ANKRD36C: variants seen among roughly 807,000 people sequenced by gnomAD.
ANKRD36C encodes the protein ankyrin repeat domain-containing protein 36C.
Under a neutral mutation model 276.4 loss-of-function variants are expected in ANKRD36C, and 61 were observed. That is an observed-to-expected ratio of 0.22 (90% CI 0.18 to 0.27). The LOEUF (loss-of-function observed/expected upper bound fraction) is 0.27, where lower values mean the gene tolerates loss of function less well. Ranked by LOEUF, ANKRD36C falls within the 10% of genes least tolerant of loss-of-function variation. The pLI is 1.00. For missense variants in ANKRD36C, 1,447 were observed against 2,032.3 expected, an observed-to-expected ratio of 0.71 and a Z score of 5.54; for synonymous variants, 483 against 680.1, an observed-to-expected ratio of 0.71 and a Z score of 4.51.
At position 95,903,219 on chromosome 2, in the gene ANKRD36C, G is replaced by C. The variant is rs1351643972; in HGVS notation, c.2654-3883C>G. ...TTTGATGGCTTCTACTTTGTGTCTG[G>C]GGACTAGAACATGACGGAAATATGC... On this transcript the variant is annotated intron_variant, in intron 42 of 66. Coordinates refer to ENST00000456556, the Ensembl canonical transcript of ANKRD36C. The C allele has an allele frequency of 3.5e-6, 5 of 1,415,002 alleles. No homozygotes were observed. The Admixed American group carries it at 8.1e-5, about 23-fold the overall frequency. 87.7% of individuals were successfully genotyped at this position (1,415,002 alleles called of 1,614,324 possible).
chr2:95,957,177 G>T (rs1417708839), intron 12 of ANKRD36C, among the ~76,000 whole-genome samples: 1 of 152,298 alleles, frequency 6.6e-6, no homozygotes, highest in African/African-American at 2.4e-5. Flanking sequence ...TTACCAGGTT[G>T]GTGGTGCACA....
chr2:95,897,653 C>T (rs1027579826), intron 44 of ANKRD36C, among the ~76,000 whole-genome samples, 188 bp from the exon 59 acceptor site: 49 of 140,970 alleles, frequency 3.5e-4, no homozygotes, highest in South Asian at 9.2e-4. Flanking sequence ...ACAGGCTCCA[C>T]GAAATATAGT....
chr2:95,852,164 A>G (rs758397903), exon 65 of ANKRD36C: 8 of 1,608,560 alleles, frequency 5.0e-6, no homozygotes, highest in East Asian at 4.5e-5. Flanking sequence ...TACATCTTAT[A>G]GTAGCTGTAA....
chr2:95,891,325 T>C (rs1676349815), intron 46 of ANKRD36C, among the ~76,000 whole-genome samples: 1 of 151,462 alleles, frequency 6.6e-6, no homozygotes, highest in Non-Finnish European at 1.5e-5. Context: ...CTGAAGTGTG[T>C]AAATTCTATA....
intron 59 of ANKRD36C, among the ~76,000 whole-genome samples, chr2:95,871,427 G>A (rs1231671675): frequency 6.6e-6 from 1 of 152,034 alleles, no homozygotes; most frequent in Non-Finnish European, 1.5e-5. Context: ...AGCTTCATAA[G>A]TGAAGGAGAA....
At chr2:95,930,243 T>C (rs1024347704) in intron 24 of ANKRD36C, among the ~76,000 whole-genome samples, 2 of 151,582 alleles carry the variant, frequency 1.3e-5, no homozygotes, top group African/African-American at 4.8e-5. Context: ...GAATAACCAA[T>C]GTCAACAAAA....
intron 42 of ANKRD36C, among the ~76,000 whole-genome samples, chr2:95,911,319 A>G (rs762056392): frequency 8.6e-5 from 13 of 151,650 alleles, no homozygotes; most frequent in Non-Finnish European, 1.8e-4. Context: ...CAAGCATTAG[A>G]TATTAATAAG....
chr2:95,981,609 T>TTATATA (rs747427863), intron 4 of ANKRD36C, among the ~76,000 whole-genome samples: 1 of 147,490 alleles, frequency 6.8e-6, no homozygotes, highest in South Asian at 2.1e-4. Flanking sequence ...CATTCTAACA[T>TTATATA]TATATATATA....
chr2:95,918,380 T>C (rs1432532800), intron 34 of ANKRD36C, among the ~76,000 whole-genome samples: 5 of 151,688 alleles, frequency 3.3e-5, no homozygotes, highest in African/African-American at 7.2e-5. Context: ...TGAGAATCAA[T>C]GTCAAAGCAG....
chr2:95,987,592 C>T (rs1224539878), intron 1 of ANKRD36C, among the ~76,000 whole-genome samples: 6 of 145,238 alleles, frequency 4.1e-5, no homozygotes, highest in Non-Finnish European at 7.5e-5. Context: ...TTAGATATTA[C>T]TACTTACAAA....
chr2:95,921,934 T>A, intron 32 of ANKRD36C, 124 bp from the exon 33 acceptor site: 2 of 1,071,656 alleles, frequency 1.9e-6, no homozygotes, highest in South Asian at 3.9e-5. Context: ...GTTTTCTACT[T>A]TATGTCTTAA....
intron 3 of ANKRD36C, 182 bp downstream of exon 3, chr2:95,986,569 T>C (rs1679029649): frequency 5.0e-6 from 4 of 799,592 alleles, no homozygotes; most frequent in Admixed American, 3.3e-5. Context: ...TAGCTGTTCC[T>C]TATAATGCTT....
At chr2:95,871,110 G>A (rs969165754) in intron 59 of ANKRD36C, among the ~76,000 whole-genome samples, 3 of 152,172 alleles carry the variant, frequency 2.0e-5, no homozygotes, top group African/African-American at 7.2e-5. Context: ...TTATCCAGGA[G>A]AATTTCCCCA....
intron 59 of ANKRD36C, among the ~76,000 whole-genome samples, chr2:95,872,943 T>C (rs897114242): frequency 1.3e-5 from 2 of 152,216 alleles, no homozygotes; most frequent in African/African-American, 4.8e-5. Context: ...CCTGGAAACA[T>C]ACACCCTCCC....
At chr2:95,932,904 T>C (rs1207398684) in intron 24 of ANKRD36C, among the ~76,000 whole-genome samples, 1 of 152,244 alleles carries the variant, frequency 6.6e-6, no homozygotes, top group Admixed American at 6.6e-5. Flanking sequence ...GTTATTATGG[T>C]TTTAGGTCTT....
In ANKRD36C at chr2:95,897,362, A is replaced by T. The variant is rs527516564; in HGVS notation, c.2755+1783T>A. ...TGTAGCCTGAATGGAATTTGAAATG[A>T]AATAATAAATTAATAAAGTATGTTT... On this transcript the variant is annotated intron_variant, in intron 44 of 66. Coordinates refer to ENST00000456556, the Ensembl canonical transcript of ANKRD36C. 35 of 1,553,530 alleles carry T rather than the reference A, an allele frequency of 2.3e-5. 1 individual carries two copies. Among genetic ancestry groups the T allele is most frequent in the Admixed American group, 1.7e-4 (9 of 54,154 alleles).
At chr2:95,960,809 C>G (rs1217645369) in intron 8 of ANKRD36C, 142 bp from the exon 9 acceptor site, 3 of 544,648 alleles carry the variant, frequency 5.5e-6, no homozygotes, top group Non-Finnish European at 3.3e-6. Context: ...TGTATTGGGA[C>G]AGGAACATGA....
chr2:95,931,358 T>C (rs1677563144), intron 24 of ANKRD36C, among the ~76,000 whole-genome samples: 1 of 149,914 alleles, frequency 6.7e-6, no homozygotes, highest in Non-Finnish European at 1.5e-5. Context: ...TTTCACCTCA[T>C]ATTATGAGTT....
intron 48 of ANKRD36C, 22 bp downstream of exon 68, chr2:95,889,777 T>A: frequency 6.4e-7 from 1 of 1,570,216 alleles, no homozygotes; most frequent in Non-Finnish European, 8.7e-7. Context: ...GAACATCCTA[T>A]TAAATGTGTT....
Sources: gnomAD v4.1 joint callset for allele counts (sites outside exome capture counted in the v4.1 genomes callset) on GRCh38, gnomAD v4.1.1 for gene constraint, MANE v1.5 for transcripts, NCBI Gene and HGNC (gene_info 2026-07-23, HGNC 2026-07-21) for gene names.